CCDC102A: variants seen among roughly 807,000 people sequenced by gnomAD.
The protein encoded by CCDC102A is coiled-coil domain containing 102A.
CCDC102A carries 40 observed loss-of-function variants against 55.5 expected under a neutral mutation model. The observed-to-expected ratio is 0.72, with a 90% CI of 0.56 to 0.94. The LOEUF (loss-of-function observed/expected upper bound fraction) is 0.94. Ranked by LOEUF, CCDC102A falls within the 40% of genes least tolerant of loss-of-function variation. The pLI is 0.00. For synonymous variants in CCDC102A, 323 were observed against 339.0 expected (o/e 0.95, Z 0.52); for missense variants, 779 against 768.6 (o/e 1.01, Z -0.16).
intron 1 of CCDC102A, among the ~76,000 whole-genome samples, chr16:57,532,558 G>A (rs779799149): frequency 5.9e-5 from 9 of 152,114 alleles, no homozygotes; most frequent in Non-Finnish European, 1.3e-4. Context: ...TCAGATGGAC[G>A]GACAGGCACA....
At chr16:57,533,270 C>T (rs1199215097) in intron 1 of CCDC102A, among the ~76,000 whole-genome samples, 3 of 151,880 alleles carry the variant, frequency 2.0e-5, no homozygotes, top group East Asian at 3.9e-4. Flanking sequence ...TCCCCTGGAG[C>T]GGGTGTGTGG....
At chr16:57,536,726 G>C (rs1352648113), upstream of CCDC102A, 1 of 152,176 alleles carries the variant, frequency 6.6e-6, no homozygotes, top group African/African-American at 2.4e-5. Context: ...GGGGGCTCCA[G>C]CCTAACTTCG....
At position 57,518,694 on chromosome 16, in the gene CCDC102A, A is replaced by C. The variant is rs769835585; in HGVS notation, c.969T>G (p.Ser323=). The C allele has an allele frequency of 3.7e-6, 6 of 1,613,056 alleles. No individual in the cohort carries two copies. Among genetic ancestry groups the C allele is most frequent in the African/African-American group, 2.7e-5 (2 of 74,890 alleles). Residue 323 remains serine (S), a synonymous_variant, in exon 5 of 9, where the codon TCT becomes TCG. Transcript: ENST00000258214. ...CACCGAGCTCATCTTCCAGGTCCTC[A>C]GACATGCGGCCCAGCTCGTCCTGGT... ...EAHQDELGRM[S]EDLEDELGAR... is the part of the protein sequence containing the mutation.
chr16:57,515,246 C>T (rs1159701054), intron 8 of CCDC102A, 95 bp downstream of exon 8: 3 of 787,108 alleles, frequency 3.8e-6, no homozygotes, highest in Admixed American at 2.0e-5. Flanking sequence ...CTTCCTTCGT[C>T]TCCCCCTCCA....
chr16:57,535,427 A>G (rs1348142846), intron 1 of CCDC102A, among the ~76,000 whole-genome samples: 2 of 152,142 alleles, frequency 1.3e-5, no homozygotes, highest in African/African-American at 2.4e-5. Flanking sequence ...AGGGACAGCT[A>G]CGTGTCTGTG....
chr16:57,517,148 G>A (rs758693556), intron 6 of CCDC102A, among the ~76,000 whole-genome samples: 1 of 151,650 alleles, frequency 6.6e-6, no homozygotes, highest in Non-Finnish European at 1.5e-5. Flanking sequence ...AAACTCTCTC[G>A]AAGAGTCCCA....
At chr16:57,527,505 C>T (rs2032160141) in intron 2 of CCDC102A, among the ~76,000 whole-genome samples, 1 of 149,156 alleles carries the variant, frequency 6.7e-6, no homozygotes, top group Non-Finnish European at 1.5e-5. Flanking sequence ...CTGCAATCTC[C>T]ACCTCTCGGG....
At chr16:57,525,631 C>T (rs1406022120) in intron 3 of CCDC102A, among the ~76,000 whole-genome samples, 3 of 152,166 alleles carry the variant, frequency 2.0e-5, no homozygotes, top group Non-Finnish European at 4.4e-5. Flanking sequence ...AAGTACGTTT[C>T]AGGAAGGCAG....
chr16:57,515,546 G>T, intron 7 of CCDC102A, 102 bp from the exon 8 acceptor site: 1 of 727,640 alleles, frequency 1.4e-6, no homozygotes, highest in African/African-American at 1.7e-5. Context: ...CTGGGAAGGT[G>T]CTCCTCCGAG....
chr16:57,534,257 T>C (rs1371300162), intron 1 of CCDC102A, among the ~76,000 whole-genome samples: 1 of 152,112 alleles, frequency 6.6e-6, no homozygotes, highest in Admixed American at 6.5e-5. Flanking sequence ...CTCATCCAGA[T>C]GGGACACTTG....
intron 1 of CCDC102A, among the ~76,000 whole-genome samples, chr16:57,531,093 C>T (rs1249040359): frequency 3.3e-5 from 5 of 152,048 alleles, no homozygotes; most frequent in Admixed American, 6.5e-5. Flanking sequence ...TATCCCTGCC[C>T]GAGCCATCTC....
intron 1 of CCDC102A, among the ~76,000 whole-genome samples, chr16:57,535,575 T>C (rs2032357310): frequency 6.6e-6 from 1 of 151,984 alleles, no homozygotes; most frequent in South Asian, 2.1e-4. Context: ...CCAGGCCAAG[T>C]GGATACGCAC....
In CCDC102A at chr16:57,528,689, G is replaced by A. The variant is rs758579322; in HGVS notation, c.489C>T (p.Ala163=). 5.3e-6 allele frequency: 6 copies of A among 1,125,022 alleles called. No individual in the cohort carries two copies. The South Asian group carries it at 1.8e-4, about 33-fold the overall frequency. 69.7% of individuals were successfully genotyped at this position (1,125,022 alleles called of 1,614,324 possible). A position where few individuals can be genotyped will look rare whatever the true frequency, so the allele number is the denominator to read the frequency against. ...RGRELARLRG[A]RGVADQTRDG... is the part of the protein sequence containing the mutation. ...CGCGCGTCTGGTCGGCGACCCCCCG[G>A]GCGCCCCTCAGCCGCGCCAGCTCGC... The change falls in exon 2 of 9, where the codon GCC becomes GCT. Residue 163 remains alanine, a synonymous_variant. Transcript: ENST00000258214.
Position 57,518,819 on chromosome 16 carries a change from T to G in CCDC102A, c.922-78A>C, listed in dbSNP as rs563912084. The G allele has an allele frequency of 3.6e-6, 4 of 1,119,778 alleles. No individual in the cohort carries two copies. The South Asian group carries it at 5.3e-5, about 15-fold the overall frequency. 69.4% of individuals were successfully genotyped at this position (1,119,778 alleles called of 1,614,324 possible). ...AACCACCTCCGGGGGTGGGCGCCAG[T>G]GCAGGAGTGCTCAGCGTGGAGCCAA... On this transcript the variant is annotated intron_variant, in intron 4 of 8. Coordinates refer to ENST00000258214, the MANE Select transcript of CCDC102A (RefSeq NM_033212.4).
At position 57,518,539 on chromosome 16, in the gene CCDC102A, C is replaced by T. The variant is rs1336338685; in HGVS notation, c.1038+86G>A. On this transcript the variant is annotated intron_variant, in intron 5 of 8. Coordinates refer to ENST00000258214, the MANE Select transcript of CCDC102A (RefSeq NM_033212.4). ...CCCGCTCAGAGCACAGTCCTGGCCCCTGCCCTGTTCCCAGTGACCTGCTGA... is the reference window on the plus strand; with the variant it reads ...CCCGCTCAGAGCACAGTCCTGGCCCTTGCCCTGTTCCCAGTGACCTGCTGA... The T allele has an allele frequency of 3.6e-6, 4 of 1,110,638 alleles. No homozygotes were observed. In the East Asian group the frequency reaches 9.4e-5, roughly 26 times the overall value. The allele number at this position is 1,110,638 out of a possible 1,614,324, so 68.8% of individuals were successfully genotyped here. A position where few individuals can be genotyped will look rare whatever the true frequency, so the allele number is the denominator to read the frequency against.
In CCDC102A at chr16:57,512,875, G is replaced by T; in HGVS notation, c.1524-5C>A. Reference sequence around the variant, plus strand: ...TTCTGCTGCTGCCTGCGGAGCCTGTGGGGTGGGGGTGACAGGAGGTTAGAG... The same window carrying T: ...TTCTGCTGCTGCCTGCGGAGCCTGTTGGGTGGGGGTGACAGGAGGTTAGAG... On this transcript the variant is annotated splice_region_variant and splice_polypyrimidine_tract_variant and intron_variant, in intron 8 of 8. Transcript: ENST00000258214. 1 of 1,612,330 alleles carries T rather than the reference G, an allele frequency of 6.2e-7. No individual in the cohort carries two copies. Among genetic ancestry groups the T allele is most frequent in the Non-Finnish European group, 8.5e-7 (1 of 1,179,474 alleles).
Position 57,528,582 on chromosome 16 carries a change from G to A in CCDC102A, c.585+11C>T, listed in dbSNP as rs1340942844. On this transcript the variant is annotated intron_variant, in intron 2 of 8. Transcript: ENST00000258214. ...AGACTGGAGCGCGAACGCCCCGCCCGCGCCGCGCACCTGGCTGCCTGGCGG... is the reference window on the plus strand; with the variant it reads ...AGACTGGAGCGCGAACGCCCCGCCCACGCCGCGCACCTGGCTGCCTGGCGG... 8.1e-7 allele frequency: 1 copy of A among 1,239,970 alleles called. No individual in the cohort carries two copies. Among genetic ancestry groups the A allele is most frequent in the Non-Finnish European group, 1.0e-6 (1 of 984,548 alleles). The allele number at this position is 1,239,970 out of a possible 1,614,324, so 76.8% of individuals were successfully genotyped here.
At position 57,525,075 on chromosome 16, in the gene CCDC102A, T is replaced by TTTTATTTA. The variant is rs3030605; in HGVS notation, c.812+818_812+825dup. 6.8e-3 allele frequency among the ~76,000 whole-genome samples: 1,019 copies of TTTTATTTA among 149,538 alleles called. 25 individuals carry two copies. In the East Asian group the frequency reaches 0.069, roughly 10 times the overall value. On this transcript the variant is annotated intron_variant, in intron 3 of 8. Transcript: ENST00000258214. ...CCTTGGCCCTTGTCCACGCTCATCGTTTTATTTATTTATTTATTTATTTAT... is the reference window on the plus strand; with the variant it reads ...CCTTGGCCCTTGTCCACGCTCATCGTTTTATTTATTTATTTATTTATTTATTTATTTAT...
rs751465724 is a variant in CCDC102A at position 57,526,036 on chromosome 16, C to T, written c.677G>A (p.Arg226Gln). The T allele has an allele frequency of 3.1e-5, 50 of 1,597,450 alleles. No homozygotes were observed. Among genetic ancestry groups the T allele is most frequent in the Non-Finnish European group, 3.8e-5 (45 of 1,174,036 alleles). The change falls in exon 3 of 9, where the codon CGG becomes CAG. Residue 226 changes from arginine to glutamine, a missense_variant. Coordinates refer to ENST00000258214, the MANE Select transcript of CCDC102A (RefSeq NM_033212.4). Reference sequence around the variant, plus strand: ...GCGCTCCTGGCGGCCTGAGCTGCCCCGCGGGCCCCCAGCCCCCAGGCTGCG... The same window carrying T: ...GCGCTCCTGGCGGCCTGAGCTGCCCTGCGGGCCCCCAGCCCCCAGGCTGCG... ...EARSLGAGGPRGSSGRQERSR... is the reference protein window; with the variant it reads ...EARSLGAGGPQGSSGRQERSR...
Sources: allele counts gnomAD v4.1 joint callset (sites outside exome capture counted in the v4.1 genomes callset), GRCh38; gene constraint gnomAD v4.1.1; transcripts MANE v1.5; gene names NCBI Gene and HGNC (gene_info 2026-07-23, HGNC 2026-07-21).